The following SPTBN1 variants were observed in gnomAD, a reference collection of about 807,000 sequenced individuals.
The protein encoded by SPTBN1 is spectrin beta, non-erythrocytic 1.
A neutral mutation model predicts 266.4 loss-of-function variants in SPTBN1; 32 were observed. That is an observed-to-expected ratio of 0.12 (90% CI 0.09 to 0.16). The LOEUF (loss-of-function observed/expected upper bound fraction) is 0.16. Ranked by LOEUF, SPTBN1 falls within the 10% of genes least tolerant of loss-of-function variation. The pLI is 1.00. For synonymous variants in SPTBN1, 1,336 were observed against 1,162.2 expected (o/e 1.15, Z -3.04); for missense variants, 2,296 against 3,067.1 (o/e 0.75, Z 5.94).
chr2:54,470,629 A>G (rs896115607), intron 1 of SPTBN1, among the ~76,000 whole-genome samples: 1 of 152,222 alleles, frequency 6.6e-6, no homozygotes, highest in African/African-American at 2.4e-5. Flanking sequence ...TTTGCCAAAT[A>G]TTAAAAATTA....
At chr2:54,641,509 C>G (rs1214675903) in intron 18 of SPTBN1, among the ~76,000 whole-genome samples, 2 of 152,184 alleles carry the variant, frequency 1.3e-5, no homozygotes, top group African/African-American at 4.8e-5. Context: ...GCCCAGATAA[C>G]TGGAACATAG....
intron 1 of SPTBN1, among the ~76,000 whole-genome samples, chr2:54,465,127 T>C (rs1050140494): frequency 4.6e-5 from 7 of 152,380 alleles, no homozygotes; most frequent in Non-Finnish European, 1.0e-4. Flanking sequence ...GCGATTGTTA[T>C]ATCTGTCCTT....
chr2:54,552,141 T>G (rs17344072), intron 2 of SPTBN1, among the ~76,000 whole-genome samples: 121,145 of 152,148 alleles, frequency 0.8, 48,676 homozygotes, highest in African/African-American at 0.92. Flanking sequence ...CCAGCCTAAG[T>G]TCTGTGATTC....
rs150507689 is a variant in SPTBN1 at position 54,512,410 on chromosome 2, G to C, written c.-47-13962G>C. On this transcript the variant is annotated intron_variant, in intron 1 of 35. Transcript: ENST00000356805. ...GCTTGTTGCTGCAGTGTTAATGCAA[G>C]CGATGGTAGTTATTTGAACAGCTCT... Among the ~76,000 whole-genome samples, 4 of 152,316 alleles carry C rather than the reference G, an allele frequency of 2.6e-5. No homozygotes were observed. The South Asian group carries it at 8.3e-4, about 32-fold the overall frequency.
chr2:54,628,799 C>T lies in SPTBN1; in HGVS notation c.1799-134C>T, dbSNP rs1340460152. On this transcript the variant is annotated intron_variant, in intron 13 of 35. Coordinates refer to ENST00000356805, the MANE Select transcript of SPTBN1 (RefSeq NM_003128.3). This position sits in a 1 kb window ranked among gnomAD's most constrained non-coding sequence, Gnocchi z 4.3. ...TAGAAGGTGCTCCATTGCCTTATCG[C>T]ATGGCCCTGCATTTACATTTAGCAG... 7 of 1,174,438 alleles carry T rather than the reference C, an allele frequency of 6.0e-6. No individual in the cohort carries two copies. Among genetic ancestry groups the T allele is most frequent in the African/African-American group, 4.6e-5 (3 of 64,938 alleles). The allele number at this position is 1,174,438 out of a possible 1,614,324, so 72.8% of individuals were successfully genotyped here. A position where few individuals can be genotyped will look rare whatever the true frequency, so the allele number is the denominator to read the frequency against.
rs746344868 is a variant in SPTBN1, at chr2:54,632,766, C to A, written c.3765C>A (p.Asp1255Glu). 28 of 1,613,952 alleles carry A rather than the reference C, an allele frequency of 1.7e-5. No homozygotes were observed. The highest frequency in any genetic ancestry group is 2.4e-5 in the Non-Finnish European group (28 of 1,180,014). The change falls in exon 17 of 36, where the codon GAC (aspartate) becomes GAA (glutamate). Residue 1255 changes from aspartate (D) to glutamate (E), a missense_variant and splice_region_variant. Physicochemically the swap from Asp to Glu is conservative, Grantham distance 45. Transcript: ENST00000356805. ...RIQEKVDSIDDRHRKNRETAS... is the reference protein window; with the variant it reads ...RIQEKVDSIDERHRKNRETAS... ...AGGAGAAGGTGGACTCTATTGATGA[C>A]AGGTACAGTTTTCTGAGGTTCTTAA...
chr2:54,564,128 G>T (rs922238277), intron 2 of SPTBN1, among the ~76,000 whole-genome samples: 2 of 152,072 alleles, frequency 1.3e-5, no homozygotes, highest in African/African-American at 4.8e-5. Flanking sequence ...GGCTGCTCTC[G>T]GTTTTTGTTG....
At chr2:54,605,781 G>A (rs1400523398) in intron 3 of SPTBN1, among the ~76,000 whole-genome samples, 3 of 152,160 alleles carry the variant, frequency 2.0e-5, no homozygotes, top group African/African-American at 7.2e-5. Context: ...CTCTCGTATA[G>A]TACCACCAGG....
chr2:54,639,615 T>C (rs557433394), intron 18 of SPTBN1, among the ~76,000 whole-genome samples: 1 of 152,244 alleles, frequency 6.6e-6, no homozygotes, highest in Non-Finnish European at 1.5e-5. Flanking sequence ...TTTCGTTAAG[T>C]AGACATGTAT....
intron 30 of SPTBN1, among the ~76,000 whole-genome samples, chr2:54,658,782 C>A (rs962072401): frequency 1.3e-5 from 2 of 152,180 alleles, no homozygotes; most frequent in African/African-American, 4.8e-5. Context: ...AGAATTATTG[C>A]AGCTCTGTCC....
At chr2:54,494,291 C>T (rs1668848493) in intron 1 of SPTBN1, among the ~76,000 whole-genome samples, 1 of 152,134 alleles carries the variant, frequency 6.6e-6, no homozygotes. Context: ...CATTTGAGTC[C>T]TTGTCTGCTC....
At chr2:54,576,954 T>C (rs1674527857) in intron 2 of SPTBN1, among the ~76,000 whole-genome samples, 1 of 152,162 alleles carries the variant, frequency 6.6e-6, no homozygotes, top group Non-Finnish European at 1.5e-5. Flanking sequence ...GATTAGATTA[T>C]GAGATGATGG....
chr2:54,532,962 T>A (rs1671345566), intron 2 of SPTBN1, among the ~76,000 whole-genome samples: 1 of 152,032 alleles, frequency 6.6e-6, no homozygotes, highest in Non-Finnish European at 1.5e-5. Flanking sequence ...ATTATAGGAT[T>A]TTTTTTTCTT....
At chr2:54,504,364 A>T (rs190628252) in intron 1 of SPTBN1, among the ~76,000 whole-genome samples, 1 of 152,216 alleles carries the variant, frequency 6.6e-6, no homozygotes, top group African/African-American at 2.4e-5. Flanking sequence ...AGACTTAAGG[A>T]TATTCCTTGG....
chr2:54,664,537 T>C lies in SPTBN1; in HGVS notation c.6505T>C (p.Ser2169Pro). 6.2e-7 allele frequency: 1 copy of C among 1,613,906 alleles called. No homozygotes were observed. The highest frequency in any genetic ancestry group is 1.1e-5 in the South Asian group (1 of 91,056). ...CTCTAAAGAGTCCAGCCCCATCCCC[T>C]CCCCGACCTCTGATCGTAAAGCCAA... is the stretch of plus-strand genomic sequence containing the variant. ...TSSKESSPIP[S>P]PTSDRKAKTA... Residue 2169 changes from serine to proline, a missense_variant, in exon 33 of 36, where the codon TCC (serine) becomes CCC (proline). By Grantham distance (74) the Ser-to-Pro change is moderately conservative (BLOSUM62 -1). Transcript: ENST00000356805. This position sits in a 1 kb window ranked among gnomAD's most constrained non-coding sequence, Gnocchi z 5.6.
chr2:54,506,714 T>C (rs1420854526), intron 1 of SPTBN1, among the ~76,000 whole-genome samples: 1 of 152,174 alleles, frequency 6.6e-6, no homozygotes, highest in East Asian at 1.9e-4. Context: ...CAGTATACTT[T>C]CAGGCAAGAT....
intron 1 of SPTBN1, among the ~76,000 whole-genome samples, chr2:54,475,668 A>G (rs1034400542): frequency 6.6e-6 from 1 of 152,192 alleles, no homozygotes; most frequent in Non-Finnish European, 1.5e-5. Context: ...GCCTTGGAGT[A>G]ATGAAACTCA....
intron 2 of SPTBN1, among the ~76,000 whole-genome samples, chr2:54,563,652 G>A (rs1673478005): frequency 7.5e-6 from 1 of 133,654 alleles, no homozygotes; most frequent in South Asian, 2.4e-4. Flanking sequence ...CGCTCAGGCT[G>A]GAGTGCAGTG....
intron 2 of SPTBN1, among the ~76,000 whole-genome samples, chr2:54,541,442 A>G (rs1671934204): frequency 6.6e-6 from 1 of 152,206 alleles, no homozygotes; most frequent in African/African-American, 2.4e-5. Flanking sequence ...AGGCTGGAGG[A>G]TGCACTTGAT....
Sources: allele counts gnomAD v4.1 joint callset (sites outside exome capture counted in the v4.1 genomes callset), GRCh38; gene constraint gnomAD v4.1.1; non-coding constraint Gnocchi (gnomAD v3.1); transcripts MANE v1.5; gene names NCBI Gene and HGNC (gene_info 2026-07-23, HGNC 2026-07-21).